Variants in FKBP9 observed in about 807,000 individuals in gnomAD.
FKBP9 encodes peptidyl-prolyl cis-trans isomerase FKBP9.
In FKBP9, 27 loss-of-function variants were observed where a neutral mutation model predicts 55.6. The ratio of observed to expected loss-of-function variants is 0.49; its 90% confidence interval spans 0.36 to 0.67. FKBP9 has a LOEUF of 0.67. FKBP9 is among the 30% of genes least tolerant of loss of function. The pLI, the probability that FKBP9 is intolerant of heterozygous loss-of-function variation, is 0.00. For missense variants in FKBP9, 539 were observed against 742.8 expected (o/e 0.73, Z 3.19); for synonymous variants, 267 against 296.5 (o/e 0.90, Z 1.02).
intron 6 of FKBP9, among the ~76,000 whole-genome samples, chr7:32,989,470 C>T (rs1229752798): frequency 9.2e-5 from 14 of 152,052 alleles, no homozygotes; most frequent in Non-Finnish European, 1.6e-4. Context: ...GGCTGGAGTA[C>T]AGTGGCACGA....
chr7:32,997,568 G>A (rs1437909219), intron 7 of FKBP9, among the ~76,000 whole-genome samples: 1 of 152,208 alleles, frequency 6.6e-6, no homozygotes, highest in Non-Finnish European at 1.5e-5. Flanking sequence ...GGTGGCTCAT[G>A]CCTGTAATCC....
chr7:32,960,107 TC>T (rs1267902417), intron 1 of FKBP9, among the ~76,000 whole-genome samples: 2 of 111,640 alleles, frequency 1.8e-5, no homozygotes, highest in Non-Finnish European at 3.5e-5. Flanking sequence ...CTTGTACTTG[TC>T]TTTTTTTTTT....
intron 5 of FKBP9, among the ~76,000 whole-genome samples, chr7:32,984,251 T>G (rs1415216697): frequency 6.7e-6 from 1 of 149,676 alleles, no homozygotes; most frequent in Non-Finnish European, 1.5e-5. Flanking sequence ...CTTTTTTTTT[T>G]GAGACAGAGT....
At position 33,004,915 on chromosome 7, in the gene FKBP9, C is replaced by T. The variant is rs538889282; in HGVS notation, c.1537-260C>T. Among the ~76,000 whole-genome samples, 23 of 152,104 alleles carry T rather than the reference C, an allele frequency of 1.5e-4. No individual in the cohort carries two copies. The South Asian group carries it at 4.4e-3, about 29-fold the overall frequency. ...GGAACCAACTTGGGAGAAGGAATAG[C>T]TCTGACGGCTGCTGGGTATTGGCTA... On this transcript the variant is annotated intron_variant, in intron 9 of 9. Coordinates refer to ENST00000242209, the MANE Select transcript of FKBP9 (RefSeq NM_007270.5).
At chr7:32,968,162 C>T (rs576721392) in intron 1 of FKBP9, among the ~76,000 whole-genome samples, 1 of 152,330 alleles carries the variant, frequency 6.6e-6, no homozygotes, top group East Asian at 1.9e-4. Flanking sequence ...CTTCAACCTC[C>T]CGAGTACCTG....
intron 5 of FKBP9, among the ~76,000 whole-genome samples, chr7:32,982,984 A>ATGTGTGTGTGTGTGTG (rs71559288): frequency 6.3e-4 from 89 of 142,208 alleles, no homozygotes; most frequent in African/African-American, 1.4e-3. Context: ...GTCAAAGGTT[A>ATGTGTGTGTGTGTGTG]TGTGTGTGTG....
intron 1 of FKBP9, among the ~76,000 whole-genome samples, chr7:32,960,157 G>C (rs1402661200): frequency 7.8e-6 from 1 of 128,614 alleles, no homozygotes; most frequent in Non-Finnish European, 1.5e-5. Context: ...TTGTCACCCA[G>C]GCTGGAGTGC....
intron 4 of FKBP9, among the ~76,000 whole-genome samples, chr7:32,977,991 G>A (rs187055735): frequency 1.2e-3 from 173 of 146,956 alleles, no homozygotes; most frequent in Non-Finnish European, 1.9e-3. Context: ...GTGCGATCTC[G>A]GCTCACTGCA....
chr7:32,982,322 A>G (rs1160135915), intron 5 of FKBP9, among the ~76,000 whole-genome samples: 1 of 152,090 alleles, frequency 6.6e-6, no homozygotes, highest in Non-Finnish European at 1.5e-5. Flanking sequence ...GGCCCAGCCT[A>G]ATGTGTGGAT....
chr7:32,973,226 C>T (rs1018873366), intron 1 of FKBP9, among the ~76,000 whole-genome samples: 9 of 152,036 alleles, frequency 5.9e-5, no homozygotes, highest in African/African-American at 2.2e-4. Context: ...ATAGGCAAAC[C>T]CCTGTTGATT....
At chr7:32,958,348 G>A (rs908496984) in intron 1 of FKBP9, among the ~76,000 whole-genome samples, 5 of 152,240 alleles carry the variant, frequency 3.3e-5, no homozygotes, top group African/African-American at 1.2e-4. Flanking sequence ...CAGCAGTCTT[G>A]TGAGGTAGGT....
intron 1 of FKBP9, chr7:32,963,641 G>T (rs1784072217): frequency 2.1e-6 from 3 of 1,461,438 alleles, no homozygotes; most frequent in Admixed American, 4.7e-5. Context: ...TAAGCAGAAA[G>T]GAGTGGGAAT....
chr7:32,965,812 A>AAAAAAAT (rs1554284289), intron 1 of FKBP9, among the ~76,000 whole-genome samples: 1 of 34,938 alleles, frequency 2.9e-5, no homozygotes, highest in African/African-American at 1.2e-4. Context: ...AAAAAAAAAA[A>AAAAAAAT]ATATATATAT....
At chr7:32,957,933 C>G in intron 1 of FKBP9, 139 bp downstream of exon 1, 2 of 694,850 alleles carry the variant, frequency 2.9e-6, no homozygotes, top group Non-Finnish European at 2.1e-6. Context: ...CCCAGATCCT[C>G]CCGGACCCCA....
chr7:32,990,926 AT>A (rs10715604), intron 6 of FKBP9, among the ~76,000 whole-genome samples: 78,732 of 151,790 alleles, frequency 0.52, 22,652 homozygotes, highest in Non-Finnish European at 0.65. Context: ...ATGGAGAAAT[AT>A]TTTTTTCTCC....
chr7:33,005,468 T>C lies in FKBP9; in HGVS notation c.*117T>C, dbSNP rs1785018373. 8.9e-7 allele frequency: 1 copy of C among 1,122,772 alleles called. No homozygotes were observed. Among genetic ancestry groups the C allele is most frequent in the Non-Finnish European group, 1.3e-6 (1 of 777,372 alleles). The allele number at this position is 1,122,772 out of a possible 1,614,324, so 69.6% of individuals were successfully genotyped here. On this transcript the variant is annotated 3_prime_UTR_variant, in exon 10 of 10. Coordinates refer to ENST00000242209, the MANE Select transcript of FKBP9 (RefSeq NM_007270.5). ...AGTTGCATCATTAGCCAGTAGTAGG[T>C]GGGTCACATAGTACCTGGTGTACAC... is the stretch of plus-strand genomic sequence containing the variant.
rs1554284314 is a variant in FKBP9, at chr7:32,965,830, T to TATGTGTACAC, written c.221+8038_221+8039insGTGTACACAT. Reference sequence around the variant, plus strand: ...AAAAAAAAATATATATATATATATATATATATATATATATGTGTGTACAGA... The same window carrying TATGTGTACAC: ...AAAAAAAAATATATATATATATATATATGTGTACACATATATATATATATGTGTGTACAGA... On this transcript the variant is annotated intron_variant, in intron 1 of 9. Coordinates refer to ENST00000242209, the MANE Select transcript of FKBP9 (RefSeq NM_007270.5). 2.0e-4 allele frequency among the ~76,000 whole-genome samples: 6 copies of TATGTGTACAC among 29,392 alleles called. 1 individual carries two copies. The highest frequency in any genetic ancestry group is 9.8e-4 in the East Asian group (2 of 2,046). The allele number at this position is 29,392 out of a possible 152,430, so 19.3% of individuals were successfully genotyped here.
intron 7 of FKBP9, among the ~76,000 whole-genome samples, chr7:32,997,030 A>G (rs535786384): frequency 7.5e-4 from 113 of 151,392 alleles, no homozygotes; most frequent in African/African-American, 2.6e-3. Flanking sequence ...TCCTGACCTC[A>G]TGATCCACCC....
intron 6 of FKBP9, among the ~76,000 whole-genome samples, chr7:32,991,853 C>T (rs1784690453): frequency 6.6e-6 from 1 of 151,884 alleles, no homozygotes; most frequent in Non-Finnish European, 1.5e-5. Context: ...ACCTTTTGAG[C>T]ACCCTTTTAG....
Sources: gnomAD v4.1 joint callset for allele counts (sites outside exome capture counted in the v4.1 genomes callset) on GRCh38, gnomAD v4.1.1 for gene constraint, MANE v1.5 for transcripts, NCBI Gene and HGNC (gene_info 2026-07-23, HGNC 2026-07-21) for gene names.